Variants in TRDMT1 observed in about 807,000 individuals in gnomAD.
TRDMT1 encodes the protein tRNA aspartic acid methyltransferase 1.
In TRDMT1, 49 loss-of-function variants were observed where a neutral mutation model predicts 51.2. The observed-to-expected ratio is 0.96, with a 90% confidence interval of 0.76 to 1.21. TRDMT1 has a LOEUF of 1.21. TRDMT1 is among the 50% of genes most tolerant of loss of function. The probability of loss-of-function intolerance (pLI) is 0.00; values close to 1 mark genes in which losing one functional copy is unlikely to be tolerated. For synonymous variants in TRDMT1, 187 were observed against 164.6 expected, an observed-to-expected ratio of 1.14 and a Z score of -1.04; for missense variants, 534 against 462.3, an observed-to-expected ratio of 1.16 and a Z score of -1.42.
At chr10:17,190,832 C>T (rs1463334722) in intron 1 of TRDMT1, among the ~76,000 whole-genome samples, 1 of 152,208 alleles carries the variant, frequency 6.6e-6, no homozygotes, top group Non-Finnish European at 1.5e-5. Flanking sequence ...CCTATCCTAT[C>T]ATGGAGCCTA....
chr10:17,154,725 G>T lies in TRDMT1; in HGVS notation c.897C>A (p.Ser299Arg). The T allele has an allele frequency of 6.2e-7, 1 of 1,603,140 alleles. No individual in the cohort carries two copies. The highest frequency in any genetic ancestry group is 1.7e-5 in the Admixed American group (1 of 58,518). Reference protein sequence around the residue: ...RSVCFTKGYGSYIEGTGSVLQ... With the variant: ...RSVCFTKGYGRYIEGTGSVLQ... ...ACACAGACCCTGTCCCTTCTATGTA[G>T]CTTCCATATCTGAAAAATCAACACA... Residue 299 changes from serine (S) to arginine (R), a missense_variant, in exon 9 of 11, where the codon AGC becomes AGA. Ser to Arg is a moderately radical substitution (Grantham distance 110). Transcript: ENST00000377799.
intron 3 of TRDMT1, among the ~76,000 whole-genome samples, chr10:17,168,258 A>G (rs1841479533): frequency 6.6e-6 from 1 of 152,188 alleles, no homozygotes; most frequent in South Asian, 2.1e-4. Flanking sequence ...AGCTGTGATC[A>G]TGCCACTGCA....
intron 1 of TRDMT1, among the ~76,000 whole-genome samples, chr10:17,177,857 C>A (rs78130053): frequency 6.6e-6 from 1 of 152,038 alleles, no homozygotes; most frequent in Non-Finnish European, 1.5e-5. Context: ...CAAGTTCACA[C>A]TCTTCTTGAC....
chr10:17,179,135 G>A (rs1325832531), intron 1 of TRDMT1, among the ~76,000 whole-genome samples: 1 of 152,102 alleles, frequency 6.6e-6, no homozygotes, highest in Non-Finnish European at 1.5e-5. Flanking sequence ...GTTTTGAGGA[G>A]GACCTTGAGA....
In TRDMT1 at chr10:17,144,798, A is replaced by G. The variant is rs1564541375; in HGVS notation, c.*4242T>C. On this transcript the variant is annotated 3_prime_UTR_variant, in exon 11 of 11. Coordinates refer to ENST00000377799, the MANE Select transcript of TRDMT1 (RefSeq NM_004412.7). ...GAAACGGAAGCTAGAAACAACAACAACAAAAAATACTTTTTCTTTTTTTTT... is the reference window on the plus strand; with the variant it reads ...GAAACGGAAGCTAGAAACAACAACAGCAAAAAATACTTTTTCTTTTTTTTT... 1.0e-5 allele frequency: 10 copies of G among 985,230 alleles called. No individual in the cohort carries two copies. The highest frequency in any genetic ancestry group is 1.1e-5 in the Non-Finnish European group (9 of 829,874). The allele number at this position is 985,230 out of a possible 1,614,324, so 61.0% of individuals were successfully genotyped here.
In TRDMT1 at chr10:17,144,888, A is replaced by G; in HGVS notation, c.*4152T>C. ...AATAGTGAAAGGGAAAATGATGCAC[A>G]CAGGTTGACTCATGCAAACTGAAAC... On this transcript the variant is annotated 3_prime_UTR_variant, in exon 11 of 11. Coordinates refer to ENST00000377799, the MANE Select transcript of TRDMT1 (RefSeq NM_004412.7). 4 of 985,386 alleles carry G rather than the reference A, an allele frequency of 4.1e-6. No homozygotes were observed. Among genetic ancestry groups the G allele is most frequent in the Non-Finnish European group, 4.8e-6 (4 of 829,920 alleles). 61.0% of individuals were successfully genotyped at this position (985,386 alleles called of 1,614,324 possible). A position where few individuals can be genotyped will look rare whatever the true frequency, so the allele number is the denominator to read the frequency against.
rs972900063 is a variant in TRDMT1, at chr10:17,140,645, C to G, written c.*8395G>C. ...ACAAGCTTACAATGAACAGACTCTA[C>G]AGTAAAGACTTGAAACTGAGTGTTT... On this transcript the variant is annotated 3_prime_UTR_variant, in exon 11 of 11. Coordinates refer to ENST00000377799, the MANE Select transcript of TRDMT1 (RefSeq NM_004412.7). 7.9e-5 allele frequency among the ~76,000 whole-genome samples: 12 copies of G among 152,006 alleles called. No homozygotes were observed. Among genetic ancestry groups the G allele is most frequent in the Admixed American group, 6.6e-5 (1 of 15,248 alleles).
intron 1 of TRDMT1, among the ~76,000 whole-genome samples, chr10:17,191,726 C>T (rs1844710088): frequency 6.6e-6 from 1 of 152,132 alleles, no homozygotes; most frequent in African/African-American, 2.4e-5. Context: ...GCAAGGAGCA[C>T]CATTGCGGGA....
intron 2 of TRDMT1, among the ~76,000 whole-genome samples, chr10:17,171,127 G>GTGTGTGTGTGTGTGTGTGTGTGTT (rs1375391186): frequency 1.3e-5 from 2 of 151,886 alleles, no homozygotes; most frequent in Admixed American, 6.6e-5. Context: ...GTGTGTGTGT[G>GTGTGTGTGTGTGTGTGTGTGTGTT]TGTGTGTGTG....
Position 17,177,713 on chromosome 10 carries a change from AACACACACACACAC to A in TRDMT1, c.65-3067_65-3054del, listed in dbSNP as rs372220525. Among the ~76,000 whole-genome samples, 4 of 147,148 alleles carry A rather than the reference AACACACACACACAC, an allele frequency of 2.7e-5. No individual in the cohort carries two copies. The South Asian group carries it at 6.5e-4, about 24-fold the overall frequency. ...ATGCTTCTTACAAAAATAGACAAGA[AACACACACACACAC>A]ACACACACACACACACACAGACATT... On this transcript the variant is annotated intron_variant, in intron 1 of 10. Coordinates refer to ENST00000377799, the MANE Select transcript of TRDMT1 (RefSeq NM_004412.7).
At chr10:17,152,027 A>G (rs17139991) in intron 10 of TRDMT1, 190,863 of 1,300,672 alleles carry the variant, frequency 0.15, 14,436 homozygotes, top group Admixed American at 0.19. Flanking sequence ...AGCACTGAAG[A>G]AAAGCTGAGG....
At chr10:17,190,207 T>A (rs375541220) in intron 1 of TRDMT1, among the ~76,000 whole-genome samples, 2 of 152,162 alleles carry the variant, frequency 1.3e-5, no homozygotes, top group East Asian at 3.9e-4. Context: ...GCACTATTCC[T>A]GGGTAGCACT....
intron 1 of TRDMT1, among the ~76,000 whole-genome samples, chr10:17,180,560 CTCTT>C (rs1411559196): frequency 6.9e-6 from 1 of 145,802 alleles, no homozygotes; most frequent in East Asian, 2.0e-4. Flanking sequence ...AAAAAAAACT[CTCTT>C]TCCATATTCG....
chr10:17,185,047 C>A (rs568312591), intron 1 of TRDMT1, among the ~76,000 whole-genome samples: 3 of 152,206 alleles, frequency 2.0e-5, no homozygotes, highest in South Asian at 2.1e-4. Flanking sequence ...AGTATCTTCA[C>A]CTATTAAGAG....
At chr10:17,156,240 T>TA (rs1641852079) in intron 8 of TRDMT1, among the ~76,000 whole-genome samples, 2 of 141,792 alleles carry the variant, frequency 1.4e-5, no homozygotes, top group Admixed American at 1.4e-4. Flanking sequence ...AAAATTTTTC[T>TA]TTTTTTTTTT....
intron 10 of TRDMT1, 107 bp downstream of exon 10, chr10:17,153,400 A>T (rs1377395649): frequency 1.6e-6 from 2 of 1,259,084 alleles, no homozygotes; most frequent in Non-Finnish European, 2.2e-6. Flanking sequence ...GAAAGGAAAG[A>T]GGTTTCTTGA....
chr10:17,171,344 A>G (rs1176810804), intron 2 of TRDMT1, among the ~76,000 whole-genome samples: 1 of 152,162 alleles, frequency 6.6e-6, no homozygotes, highest in Non-Finnish European at 1.5e-5. Flanking sequence ...CTCAGTCCCC[A>G]GCACTTTTCC....
intron 1 of TRDMT1, among the ~76,000 whole-genome samples, chr10:17,198,523 T>A (rs1432344255): frequency 2.0e-5 from 3 of 152,194 alleles, no homozygotes; most frequent in Non-Finnish European, 4.4e-5. Context: ...TTTGAAGACA[T>A]TATTCTAAGT....
chr10:17,183,604 A>G (rs1025245926), intron 1 of TRDMT1, among the ~76,000 whole-genome samples: 19 of 152,172 alleles, frequency 1.2e-4, no homozygotes, highest in African/African-American at 4.6e-4. Context: ...TTTTAGAAAG[A>G]GACAGGGTTT....
Sources: allele counts gnomAD v4.1 joint callset (sites outside exome capture counted in the v4.1 genomes callset), GRCh38; gene constraint gnomAD v4.1.1; transcripts MANE v1.5; gene names NCBI Gene and HGNC (gene_info 2026-07-23, HGNC 2026-07-21).